Variants in CFAP46 observed in about 807,000 individuals in gnomAD.
CFAP46 encodes the protein cilia and flagella associated protein 46.
In CFAP46, 245 loss-of-function variants were observed where a neutral mutation model predicts 325.7. The ratio of observed to expected loss-of-function variants is 0.75; its 90% CI spans 0.68 to 0.84. CFAP46 has a LOEUF of 0.84. Ranked by LOEUF, CFAP46 falls within the 40% of genes least tolerant of loss-of-function variation. CFAP46 has a pLI of 0.00. For synonymous variants in CFAP46, 1,523 were observed against 1,495.9 expected, an observed-to-expected ratio of 1.02 and a Z score of -0.42; for missense variants, 3,346 against 3,543.0, an observed-to-expected ratio of 0.94 and a Z score of 1.41.
Position 132,867,393 on chromosome 10 carries a change from T to C in CFAP46, c.4725A>G (p.Pro1575=). Residue 1575 remains proline, a synonymous_variant, in exon 34 of 58, where the codon CCA becomes CCG. Coordinates refer to ENST00000368586, the MANE Select transcript of CFAP46 (RefSeq NM_001200049.3). The part of the protein sequence containing the change: ...TLPVQPGEIK[P]LDAKDKILKM... ...AGGTTACCTTGTCCTTGGCGTCCAG[T>C]GGTTTGATCTCCCCAGGCTGGACAG... The C allele has an allele frequency of 1.3e-6, 2 of 1,550,248 alleles. No individual in the cohort carries two copies. Among genetic ancestry groups the C allele is most frequent in the East Asian group, 2.4e-5 (1 of 40,906 alleles).
chr10:132,815,069 C>T (rs193009336), intron 50 of CFAP46, among the ~76,000 whole-genome samples, 155 bp from the exon 51 acceptor site: 6 of 152,036 alleles, frequency 3.9e-5, no homozygotes, highest in South Asian at 2.1e-4. Flanking sequence ...GTAAAGTTGA[C>T]GTGGCAATAA....
intron 27 of CFAP46, among the ~76,000 whole-genome samples, chr10:132,881,656 G>A (rs527492216): frequency 6.6e-5 from 10 of 151,326 alleles, no homozygotes; most frequent in Admixed American, 6.6e-5. Context: ...AGCCTGCACC[G>A]CACCCTCCGC....
intron 44 of CFAP46, among the ~76,000 whole-genome samples, chr10:132,841,189 G>A (rs1391356607): frequency 6.6e-6 from 1 of 152,212 alleles, no homozygotes; most frequent in Non-Finnish European, 1.5e-5. Context: ...AAAGTCCGAA[G>A]TTCAGTCTTA....
chr10:132,929,651 C>T (rs750413833), intron 9 of CFAP46, 54 bp downstream of exon 9: 7 of 1,525,456 alleles, frequency 4.6e-6, no homozygotes, highest in Non-Finnish European at 6.4e-6. Flanking sequence ...TTTTGTCCAA[C>T]TGCACGGTGA....
In CFAP46 at chr10:132,827,653, G is replaced by A. The variant is rs1350058357; in HGVS notation, c.7117+5705C>T. ...TTAAAGTGAGCAACGTGACGGGACT[G>A]GACGCTGCACGCCAGCAAGTCATCG... is the stretch of plus-strand genomic sequence containing the variant. On this transcript the variant is annotated intron_variant, in intron 50 of 57. Coordinates refer to ENST00000368586, the MANE Select transcript of CFAP46 (RefSeq NM_001200049.3). This position sits in a 1 kb window ranked among gnomAD's most constrained non-coding sequence, Gnocchi z 5.7. 6.6e-6 allele frequency among the ~76,000 whole-genome samples: 1 copy of A among 152,050 alleles called. No homozygotes were observed. The highest frequency in any genetic ancestry group is 2.4e-5 in the African/African-American group (1 of 41,394).
chr10:132,913,530 G>T (rs114002179), intron 17 of CFAP46, among the ~76,000 whole-genome samples: 1 of 152,176 alleles, frequency 6.6e-6, no homozygotes, highest in Non-Finnish European at 1.5e-5. Context: ...TCTAGGCCGC[G>T]TGCTCCTTGC....
intron 22 of CFAP46, 106 bp downstream of exon 22, chr10:132,908,362 G>C: frequency 7.3e-7 from 1 of 1,363,852 alleles, no homozygotes; most frequent in Non-Finnish European, 1.0e-6. Context: ...TGCCCGTTTT[G>C]GGGAACTGGT....
rs1013927409 is a variant in CFAP46 at position 132,814,092 on chromosome 10, C to T, written c.7388+60G>A. The T allele has an allele frequency of 4.0e-4, 565 of 1,409,360 alleles. 1 individual carries two copies. The highest frequency in any genetic ancestry group is 5.4e-4 in the Non-Finnish European group (536 of 998,876). The allele number at this position is 1,409,360 out of a possible 1,614,324, so 87.3% of individuals were successfully genotyped here. A position where few individuals can be genotyped will look rare whatever the true frequency, so the allele number is the denominator to read the frequency against. On this transcript the variant is annotated intron_variant, in intron 54 of 57. Coordinates refer to ENST00000368586, the MANE Select transcript of CFAP46 (RefSeq NM_001200049.3). Reference sequence around the variant, plus strand: ...GAGCCGGGGGTAGGGGGCAGTGGCTCCCCGCTGGACCCCCAGACCTGCCAC... The same window carrying T: ...GAGCCGGGGGTAGGGGGCAGTGGCTTCCCGCTGGACCCCCAGACCTGCCAC...
At chr10:132,840,613 T>C (rs564469542) in intron 44 of CFAP46, among the ~76,000 whole-genome samples, 2 of 152,380 alleles carry the variant, frequency 1.3e-5, no homozygotes, top group Admixed American at 6.5e-5. Flanking sequence ...TTTTTATTTG[T>C]AGTATTTTCA....
rs1015341112 is a variant in CFAP46 at position 132,814,076 on chromosome 10, G to A, written c.7388+76C>T. 17 of 1,161,932 alleles carry A rather than the reference G, an allele frequency of 1.5e-5. No individual in the cohort carries two copies. The African/African-American group carries it at 1.7e-4, about 11-fold the overall frequency. 72.0% of individuals were successfully genotyped at this position (1,161,932 alleles called of 1,614,324 possible). On this transcript the variant is annotated intron_variant, in intron 54 of 57. Transcript: ENST00000368586. ...GCAGGGCAGACCCAGGGAGCCGGGGGTAGGGGGCAGTGGCTCCCCGCTGGA... is the reference window on the plus strand; with the variant it reads ...GCAGGGCAGACCCAGGGAGCCGGGGATAGGGGGCAGTGGCTCCCCGCTGGA...
At chr10:132,824,422 AGT>A (rs1847985649) in intron 50 of CFAP46, among the ~76,000 whole-genome samples, 1 of 84,568 alleles carries the variant, frequency 1.2e-5, no homozygotes. Context: ...GTGCTGTGTG[AGT>A]GCTGATGTGT....
chr10:132,921,525 A>G (rs977380638), intron 13 of CFAP46, among the ~76,000 whole-genome samples: 4 of 152,174 alleles, frequency 2.6e-5, no homozygotes, highest in African/African-American at 9.7e-5. Flanking sequence ...CCCGTGATCC[A>G]GGGAGCCCCG....
intron 46 of CFAP46, among the ~76,000 whole-genome samples, chr10:132,835,705 C>T (rs1848229636): frequency 6.6e-6 from 1 of 152,100 alleles, no homozygotes; most frequent in Non-Finnish European, 1.5e-5. Context: ...ACAGACCCCT[C>T]CATCCCTGTG....
chr10:132,912,858 G>A (rs758678745), intron 18 of CFAP46, 38 bp from the exon 19 acceptor site: 65 of 1,542,382 alleles, frequency 4.2e-5, no homozygotes, highest in Non-Finnish European at 5.2e-5. Flanking sequence ...CTTGGCCCCC[G>A]CAGGCCTCGC....
rs150966828 is a variant in CFAP46 at position 132,856,816 on chromosome 10, C to T, written c.5574+774G>A. On this transcript the variant is annotated intron_variant, in intron 39 of 57. Coordinates refer to ENST00000368586, the MANE Select transcript of CFAP46 (RefSeq NM_001200049.3). ...GCTTTTCTATACGGCAATATTTTAT[C>T]GGTTGCCAGACATTTGGGCTTTGTC... Among the ~76,000 whole-genome samples the T allele has an allele frequency of 9.2e-3, 1,409 of 152,328 alleles. 12 individuals carry two copies. Among genetic ancestry groups the T allele is most frequent in the South Asian group, 0.043 (208 of 4,818 alleles).
chr10:132,841,679 G>A (rs955833157), intron 44 of CFAP46, among the ~76,000 whole-genome samples: 4 of 152,298 alleles, frequency 2.6e-5, no homozygotes, highest in African/African-American at 9.6e-5. Flanking sequence ...CTGCAAGCCT[G>A]CAGAATCAGT....
At position 132,934,995 on chromosome 10, in the gene CFAP46, CTT is replaced by C. The variant is rs1849970204; in HGVS notation, c.756-135_756-134del. The C allele has an allele frequency of 5.5e-5, 37 of 677,442 alleles. No individual in the cohort carries two copies. The South Asian group carries it at 6.0e-4, about 11-fold the overall frequency. 42.0% of individuals were successfully genotyped at this position (677,442 alleles called of 1,614,324 possible). On this transcript the variant is annotated intron_variant, in intron 7 of 57. Transcript: ENST00000368586. The stretch of plus-strand genomic sequence containing the variant: ...GACTGAAAATAACCCCTCCTGCCTT[CTT>C]TCCTCAAATTCCTGAGATGACTTTT...
intron 24 of CFAP46, 21 bp from the exon 25 acceptor site, chr10:132,892,438 G>A (rs776546251): frequency 4.5e-5 from 69 of 1,548,590 alleles, no homozygotes; most frequent in South Asian, 2.3e-4. Context: ...GCAAGTAAAC[G>A]ACACGTATAT....
chr10:132,844,809 G>A (rs1344000848), intron 44 of CFAP46, among the ~76,000 whole-genome samples: 1 of 152,208 alleles, frequency 6.6e-6, no homozygotes, highest in Non-Finnish European at 1.5e-5. Flanking sequence ...CAGCCTGGCT[G>A]CTTGCTCCTC....
Sources: allele counts gnomAD v4.1 joint callset (sites outside exome capture counted in the v4.1 genomes callset), GRCh38; gene constraint gnomAD v4.1.1; non-coding constraint Gnocchi (gnomAD v3.1); transcripts MANE v1.5; gene names NCBI Gene and HGNC (gene_info 2026-07-23, HGNC 2026-07-21).